KIAA0586: variants seen among roughly 807,000 people sequenced by gnomAD.
KIAA0586 encodes protein TALPID3.
Under a neutral mutation model 169.8 loss-of-function variants are expected in KIAA0586, and 144 were observed. The ratio of observed to expected loss-of-function variants is 0.85; its 90% CI spans 0.74 to 0.97. KIAA0586 has a LOEUF of 0.97. Among genes scored for constraint, KIAA0586 ranks in the 50% least tolerant of loss-of-function variants. KIAA0586 has a pLI of 0.00. For missense variants in KIAA0586, 1,854 were observed against 1,823.0 expected (o/e 1.02, Z -0.31); for synonymous variants, 625 against 612.4 (o/e 1.02, Z -0.30).
intron 27 of KIAA0586, 141 bp from the exon 28 acceptor site, chr14:58,508,414 C>G: frequency 1.6e-6 from 1 of 630,922 alleles, no homozygotes; most frequent in Non-Finnish European, 2.7e-6. Context: ...AAGGCTTGGT[C>G]CAGGTGTTTT....
chr14:58,430,077 T>G (rs1256732824), intron 2 of KIAA0586, among the ~76,000 whole-genome samples: 1 of 152,146 alleles, frequency 6.6e-6, no homozygotes, highest in Non-Finnish European at 1.5e-5. Context: ...ATGACAATTT[T>G]GTCAAAAGCT....
intron 29 of KIAA0586, among the ~76,000 whole-genome samples, chr14:58,537,736 C>G (rs1482272683): frequency 6.6e-6 from 1 of 152,064 alleles, no homozygotes; most frequent in Non-Finnish European, 1.5e-5. Context: ...CAAGATCAGC[C>G]TCCCAGGTTC....
chr14:58,454,729 G>A (rs996673751), intron 9 of KIAA0586, among the ~76,000 whole-genome samples: 5 of 152,148 alleles, frequency 3.3e-5, no homozygotes, highest in East Asian at 3.8e-4. Flanking sequence ...GGTGCTGGCC[G>A]GGTTGGTTTC....
intron 28 of KIAA0586, among the ~76,000 whole-genome samples, 165 bp downstream of exon 28, chr14:58,508,874 C>T (rs2044190545): frequency 6.6e-6 from 1 of 152,138 alleles, no homozygotes; most frequent in African/African-American, 2.4e-5. Flanking sequence ...TTCACCCAAG[C>T]TGTGCCCTAG....
intron 30 of KIAA0586, among the ~76,000 whole-genome samples, chr14:58,540,895 C>T (rs541902871): frequency 1.1e-4 from 16 of 152,168 alleles, no homozygotes; most frequent in Non-Finnish European, 1.9e-4. Context: ...AACACTGGGG[C>T]TATGATGTTG....
chr14:58,451,230 T>C lies in KIAA0586; in HGVS notation c.1129+484T>C, dbSNP rs534050733. Among the ~76,000 whole-genome samples, 31 of 152,116 alleles carry C rather than the reference T, an allele frequency of 2.0e-4. No homozygotes were observed. In the South Asian group the frequency reaches 6.2e-3, roughly 31 times the overall value. ...GGTCTCGATAAGTTTTGTTAATTTT[T>C]ATTTATTTTTTATGAGACAAGGTCT... On this transcript the variant is annotated intron_variant, in intron 8 of 30. Transcript: ENST00000652326.
At chr14:58,527,841 A>G (rs937355933) in intron 29 of KIAA0586, among the ~76,000 whole-genome samples, 4 of 152,232 alleles carry the variant, frequency 2.6e-5, no homozygotes, top group Admixed American at 6.5e-5. Flanking sequence ...GACAGGATCA[A>G]ATTCACACAT....
chr14:58,515,913 A>AGGGT lies in KIAA0586; in HGVS notation c.4429+3286_4429+3287insGGGT, dbSNP rs1267983051. Among the ~76,000 whole-genome samples the AGGGT allele has an allele frequency of 2.8e-3, 429 of 152,304 alleles. 4 individuals carry two copies. The highest frequency in any genetic ancestry group is 9.9e-3 in the African/African-American group (411 of 41,564). ...AATAAAATGTCAGATAAACTACAAA[A>AGGGT]TCATTAACATTTCTTGAACCCATCA... On this transcript the variant is annotated intron_variant, in intron 29 of 30. Transcript: ENST00000652326.
At chr14:58,458,574 A>G in intron 12 of KIAA0586, 29 bp downstream of exon 12, 1 of 1,260,772 alleles carries the variant, frequency 7.9e-7, no homozygotes, top group Non-Finnish European at 1.1e-6. Context: ...CTGAAAATTA[A>G]GTGAATTCTC....
In KIAA0586 at chr14:58,442,694, T is replaced by G. The variant is rs1406503372; in HGVS notation, c.411-12T>G. The G allele has an allele frequency of 2.6e-6, 4 of 1,522,826 alleles. No homozygotes were observed. Among genetic ancestry groups the G allele is most frequent in the Non-Finnish European group, 3.5e-6 (4 of 1,130,946 alleles). 94.3% of individuals were successfully genotyped at this position (1,522,826 alleles called of 1,614,324 possible). A position where few individuals can be genotyped will look rare whatever the true frequency, so the allele number is the denominator to read the frequency against. ...TTTACTGAATACATTTTTATTGCTT[T>G]TTTATTTATAGAGCTCAAAGCATGC... On this transcript the variant is annotated splice_polypyrimidine_tract_variant and intron_variant, in intron 4 of 30. Transcript: ENST00000652326.
intron 25 of KIAA0586, among the ~76,000 whole-genome samples, chr14:58,491,067 A>G (rs2141227121): frequency 6.6e-6 from 1 of 152,310 alleles, no homozygotes; most frequent in African/African-American, 2.4e-5. Flanking sequence ...ATGAAATAAT[A>G]TGGGAAGAAG....
chr14:58,427,740 C>G lies in KIAA0586; in HGVS notation c.-525C>G, dbSNP rs1285267664. ...TGACGCTGTTGTCAGATTACACCCA[C>G]GACGGTGCGGGTCTCGGGCGTTCTG... On this transcript the variant is annotated 5_prime_UTR_variant, in exon 1 of 31. Coordinates refer to ENST00000652326, the MANE Select transcript of KIAA0586 (RefSeq NM_001329943.3). 3.9e-6 allele frequency: 6 copies of G among 1,533,602 alleles called. No homozygotes were observed. The highest frequency in any genetic ancestry group is 2.7e-5 in the African/African-American group (2 of 72,918). 95.0% of individuals were successfully genotyped at this position (1,533,602 alleles called of 1,614,324 possible). A position where few individuals can be genotyped will look rare whatever the true frequency, so the allele number is the denominator to read the frequency against.
chr14:58,451,148 C>G (rs1308934719), intron 8 of KIAA0586, among the ~76,000 whole-genome samples: 1 of 152,048 alleles, frequency 6.6e-6, no homozygotes, highest in Non-Finnish European at 1.5e-5. Context: ...ACCACCATAC[C>G]TGGTTAAATT....
chr14:58,505,972 T>C (rs2141390654), intron 27 of KIAA0586, among the ~76,000 whole-genome samples: 1 of 152,280 alleles, frequency 6.6e-6, no homozygotes, highest in African/African-American at 2.4e-5. Flanking sequence ...TGCTATACTG[T>C]AGGAAAAAGC....
At chr14:58,430,620 G>C in intron 2 of KIAA0586, 28 bp from the exon 3 acceptor site, 1 of 1,393,868 alleles carries the variant, frequency 7.2e-7, no homozygotes, top group Non-Finnish European at 1.0e-6. Flanking sequence ...AGTTTATTTA[G>C]CCTATTTCTT....
chr14:58,512,157 G>T (rs561769657), intron 28 of KIAA0586, among the ~76,000 whole-genome samples: 1 of 152,234 alleles, frequency 6.6e-6, no homozygotes, highest in South Asian at 2.1e-4. Flanking sequence ...GTGGTTATAT[G>T]GAAGAGTTTG....
rs1410908342 is a variant in KIAA0586, at chr14:58,512,636, T to C, written c.4429+9T>C. On this transcript the variant is annotated intron_variant, in intron 29 of 30. Transcript: ENST00000652326. ...ACCTTCACAGCAACAAGGTAAGACT[T>C]GTTTTTATGTAATAATACAATAGTT... The C allele has an allele frequency of 3.0e-6, 4 of 1,327,616 alleles. No individual in the cohort carries two copies. Among genetic ancestry groups the C allele is most frequent in the East Asian group, 2.7e-5 (1 of 37,132 alleles). The allele number at this position is 1,327,616 out of a possible 1,614,324, so 82.2% of individuals were successfully genotyped here. A position where few individuals can be genotyped will look rare whatever the true frequency, so the allele number is the denominator to read the frequency against.
intron 30 of KIAA0586, 57 bp downstream of exon 30, chr14:58,540,193 C>T: frequency 1.1e-6 from 1 of 920,082 alleles, no homozygotes; most frequent in South Asian, 1.5e-5. Context: ...TTTTTCATTT[C>T]CTGATGATTC....
Position 58,503,327 on chromosome 14 carries a change from C to T in KIAA0586, c.4168+4367C>T, listed in dbSNP as rs191906470. Among the ~76,000 whole-genome samples the T allele has an allele frequency of 3.9e-5, 6 of 152,176 alleles. 1 individual carries two copies. The highest frequency in any genetic ancestry group is 1.9e-4 in the East Asian group (1 of 5,188). Reference sequence around the variant, plus strand: ...TATTGTGTGACTAGTACAACACAGACGGCTGTGGGAGTGCAGAGGAGGAAC... The same window carrying T: ...TATTGTGTGACTAGTACAACACAGATGGCTGTGGGAGTGCAGAGGAGGAAC... On this transcript the variant is annotated intron_variant, in intron 27 of 30. Transcript: ENST00000652326.
Sources: allele counts gnomAD v4.1 joint callset (sites outside exome capture counted in the v4.1 genomes callset), GRCh38; gene constraint gnomAD v4.1.1; transcripts MANE v1.5; gene names NCBI Gene and HGNC (gene_info 2026-07-23, HGNC 2026-07-21).